Variants in ACER2 observed in about 807,000 individuals in gnomAD.
ACER2 encodes the protein alkaline ceramidase 2.
In ACER2, 26 loss-of-function variants were observed where a neutral mutation model predicts 34.7. The ratio of observed to expected loss-of-function variants is 0.75; its 90% CI spans 0.55 to 1.04. The LOEUF is 1.04. Among genes scored for constraint, ACER2 ranks in the 50% least tolerant of loss-of-function variants. The pLI is 0.00. For missense variants in ACER2, 352 were observed against 340.8 expected, an observed-to-expected ratio of 1.03 and a Z score of -0.26; for synonymous variants, 138 against 132.1, an observed-to-expected ratio of 1.04 and a Z score of -0.31.
chr9:19,443,750 G>C (rs1055214185), intron 4 of ACER2, among the ~76,000 whole-genome samples: 1 of 151,858 alleles, frequency 6.6e-6, no homozygotes, highest in African/African-American at 2.4e-5. Flanking sequence ...TCCACAATCT[G>C]GGTTCAAGTG....
intron 4 of ACER2, 51 bp downstream of exon 4, chr9:19,435,135 C>T (rs753459576): frequency 6.3e-7 from 1 of 1,599,462 alleles, no homozygotes; most frequent in South Asian, 1.1e-5. Flanking sequence ...GCTGGGAACA[C>T]ACCAGTTCGG....
intron 1 of ACER2, among the ~76,000 whole-genome samples, chr9:19,421,379 A>G (rs775699133): frequency 6.6e-6 from 1 of 152,238 alleles, no homozygotes; most frequent in Non-Finnish European, 1.5e-5. Flanking sequence ...AATGTAGTAT[A>G]TCCTTTCAAT....
chr9:19,448,664 C>A (rs1450267505), intron 5 of ACER2, among the ~76,000 whole-genome samples: 1 of 152,154 alleles, frequency 6.6e-6, no homozygotes, highest in Non-Finnish European at 1.5e-5. Context: ...CCCACACTTT[C>A]ACATATACTG....
At chr9:19,426,936 A>T (rs1396406393) in intron 3 of ACER2, among the ~76,000 whole-genome samples, 2 of 152,140 alleles carry the variant, frequency 1.3e-5, no homozygotes, top group African/African-American at 4.8e-5. Flanking sequence ...GTCTGTGACT[A>T]TTGGGACTTT....
chr9:19,417,828 C>T (rs1830282011), intron 1 of ACER2, among the ~76,000 whole-genome samples: 1 of 152,148 alleles, frequency 6.6e-6, no homozygotes, highest in African/African-American at 2.4e-5. Flanking sequence ...ACACCAAGAG[C>T]AATGGGAACA....
intron 1 of ACER2, among the ~76,000 whole-genome samples, chr9:19,419,099 G>T (rs753161179): frequency 6.6e-6 from 1 of 152,112 alleles, no homozygotes; most frequent in Non-Finnish European, 1.5e-5. Flanking sequence ...GCTGAGGCAG[G>T]AGAATTGCTT....
At chr9:19,419,081 C>G (rs767976062) in intron 1 of ACER2, among the ~76,000 whole-genome samples, 7 of 152,084 alleles carry the variant, frequency 4.6e-5, no homozygotes, top group Non-Finnish European at 1.0e-4. Context: ...ATCCCAGCTA[C>G]TTGGAAGGCT....
At chr9:19,422,393 A>G (rs1047322735) in intron 1 of ACER2, among the ~76,000 whole-genome samples, 5 of 152,190 alleles carry the variant, frequency 3.3e-5, no homozygotes, top group Non-Finnish European at 5.9e-5. Context: ...ATTAAATAAG[A>G]TAGATTATTA....
At chr9:19,424,982 GT>G in intron 3 of ACER2, 141 bp downstream of exon 3, 1 of 1,132,082 alleles carries the variant, frequency 8.8e-7, no homozygotes, top group Non-Finnish European at 1.2e-6. Context: ...TCTACTGATT[GT>G]TTTTATGATC....
intron 1 of ACER2, among the ~76,000 whole-genome samples, chr9:19,411,033 G>A (rs1830071797): frequency 6.6e-6 from 1 of 152,072 alleles, no homozygotes; most frequent in African/African-American, 2.4e-5. Flanking sequence ...TGGTTATTTT[G>A]GCCAAAAAAG....
At chr9:19,449,386 T>G (rs1831484188) in intron 5 of ACER2, among the ~76,000 whole-genome samples, 1 of 152,192 alleles carries the variant, frequency 6.6e-6, no homozygotes, top group South Asian at 2.1e-4. Flanking sequence ...TCTTTGTATG[T>G]AGGGATTTAA....
chr9:19,435,638 G>C (rs962908009), intron 4 of ACER2, among the ~76,000 whole-genome samples: 7 of 152,158 alleles, frequency 4.6e-5, no homozygotes, highest in African/African-American at 7.2e-5. Flanking sequence ...TGTAATCCCA[G>C]CTACTCAGGA....
At chr9:19,438,122 C>T (rs552784141) in intron 4 of ACER2, among the ~76,000 whole-genome samples, 23 of 152,202 alleles carry the variant, frequency 1.5e-4, no homozygotes, top group Non-Finnish European at 2.6e-4. Flanking sequence ...GAGTTTGGGT[C>T]TCAGTTCAGG....
At chr9:19,418,984 C>T (rs931427199) in intron 1 of ACER2, among the ~76,000 whole-genome samples, 19 of 152,064 alleles carry the variant, frequency 1.2e-4, no homozygotes, top group African/African-American at 3.4e-4. Flanking sequence ...GTCAGCAGTT[C>T]CAGACCAGCC....
intron 4 of ACER2, among the ~76,000 whole-genome samples, chr9:19,437,042 A>G (rs1335774539): frequency 6.6e-6 from 1 of 152,172 alleles, no homozygotes; most frequent in Non-Finnish European, 1.5e-5. Flanking sequence ...TAAGGTAGGC[A>G]TTCTCCAAGA....
intron 3 of ACER2, among the ~76,000 whole-genome samples, chr9:19,427,888 G>C (rs1277781335): frequency 2.0e-5 from 3 of 152,042 alleles, no homozygotes; most frequent in Non-Finnish European, 4.4e-5. Flanking sequence ...GGATGGTCTC[G>C]ATCTCCTGCC....
intron 3 of ACER2, 47 bp downstream of exon 3, chr9:19,424,888 C>T (rs375820678): frequency 3.1e-6 from 5 of 1,605,936 alleles, no homozygotes; most frequent in Non-Finnish European, 4.3e-6. Context: ...GGTGCAGTAC[C>T]CAATATAACA....
intron 4 of ACER2, 51 bp downstream of exon 4, chr9:19,435,135 C>G (rs753459576): frequency 6.3e-7 from 1 of 1,599,342 alleles, no homozygotes; most frequent in Non-Finnish European, 8.5e-7. Flanking sequence ...GCTGGGAACA[C>G]ACCAGTTCGG....
intron 4 of ACER2, among the ~76,000 whole-genome samples, chr9:19,439,992 C>T (rs1303672724): frequency 6.6e-6 from 1 of 151,962 alleles, no homozygotes; most frequent in Non-Finnish European, 1.5e-5. Flanking sequence ...CCAAAGAAAG[C>T]TCCCTTTATC....
Sources: allele counts gnomAD v4.1 joint callset (sites outside exome capture counted in the v4.1 genomes callset), GRCh38; gene constraint gnomAD v4.1.1; transcripts MANE v1.5; gene names NCBI Gene and HGNC (gene_info 2026-07-23, HGNC 2026-07-21).